PIGN: variants seen among roughly 807,000 people sequenced by gnomAD.
The protein encoded by PIGN is phosphatidylinositol glycan anchor biosynthesis class N.
Under a neutral mutation model 125.4 loss-of-function variants are expected in PIGN, and 117 were observed. That is an observed-to-expected ratio of 0.93 (90% CI 0.80 to 1.09). PIGN has a LOEUF of 1.09. Ranked by LOEUF, PIGN falls within the 50% of genes least tolerant of loss-of-function variation. The pLI is 0.00. For synonymous variants in PIGN, 392 were observed against 377.8 expected (o/e 1.04, Z -0.44); for missense variants, 1,075 against 1,094.9 (o/e 0.98, Z 0.26).
chr18:62,155,852 ACG>A (rs1294805306), intron 6 of PIGN, among the ~76,000 whole-genome samples: 9 of 152,222 alleles, frequency 5.9e-5, no homozygotes, highest in African/African-American at 2.2e-4. Context: ...TCCCAAAAAA[ACG>A]AAACTGCTTT....
intron 9 of PIGN, 132 bp from the exon 10 acceptor site, chr18:62,146,157 G>A: frequency 2.4e-6 from 1 of 410,176 alleles, no homozygotes; most frequent in Non-Finnish European, 4.4e-6. Flanking sequence ...TTACCAAATG[G>A]TTACAACCTT....
chr18:62,105,466 T>C (rs577742956), intron 20 of PIGN, 77 bp downstream of exon 20: 233 of 788,028 alleles, frequency 3.0e-4, no homozygotes, highest in Middle Eastern at 9.8e-4. Context: ...TGACCAAGAT[T>C]AGGTTCAAAT....
chr18:62,088,772 C>A lies in PIGN; in HGVS notation c.2354G>T (p.Arg785Leu). The change falls in exon 25 of 31, where the codon CGT (arginine) becomes CTT (leucine). Residue 785 changes from arginine to leucine, a missense_variant. Physicochemically the swap from Arg to Leu is moderately radical, Grantham distance 102. This residue lies in a region of PIGN where 915 missense variants were observed against 908.7 expected (regional missense o/e 1.01). Coordinates refer to ENST00000640252, the MANE Select transcript of PIGN (RefSeq NM_176787.5). Reference sequence around the variant, plus strand: ...AAAGGATACAAGGAAAAAGGCCCTACGGATGTCATCCAGATATAGCTGTCG... The same window carrying A: ...AAAGGATACAAGGAAAAAGGCCCTAAGGATGTCATCCAGATATAGCTGTCG... ...QFRQLYLDDIRRAFFLVFFLV... is the reference protein window; with the variant it reads ...QFRQLYLDDILRAFFLVFFLV... The A allele has an allele frequency of 6.4e-7, 1 of 1,557,358 alleles. No homozygotes were observed. The highest frequency in any genetic ancestry group is 8.7e-7 in the Non-Finnish European group (1 of 1,146,368).
chr18:62,120,267 A>C (rs1198568566), intron 14 of PIGN, among the ~76,000 whole-genome samples: 1 of 152,226 alleles, frequency 6.6e-6, no homozygotes, highest in Non-Finnish European at 1.5e-5. Flanking sequence ...ACAGTTGGTC[A>C]CTGAACAGGA....
chr18:62,146,928 C>G, intron 9 of PIGN, 43 bp downstream of exon 9: 1 of 1,582,300 alleles, frequency 6.3e-7, no homozygotes, highest in African/African-American at 1.3e-5. Context: ...ACATTTATCA[C>G]TACTTTAATT....
chr18:62,084,643 C>A, intron 26 of PIGN, 37 bp from the exon 27 acceptor site: 1 of 1,208,346 alleles, frequency 8.3e-7, no homozygotes, highest in South Asian at 1.3e-5. Context: ...ATTTAGAATT[C>A]ACTCTGTAAC....
intron 14 of PIGN, among the ~76,000 whole-genome samples, chr18:62,127,982 G>A (rs1385270014): frequency 6.6e-6 from 1 of 152,042 alleles, no homozygotes; most frequent in African/African-American, 2.4e-5. Flanking sequence ...AACTACACAT[G>A]GAAAACATAC....
At position 62,106,878 on chromosome 18, in the gene PIGN, G is replaced by A. The variant is rs2146436684; in HGVS notation, c.1678C>T (p.Leu560Phe). The change falls in exon 19 of 31, where the codon CTC becomes TTC. Residue 560 changes from leucine (L) to phenylalanine (F), a missense_variant. Physicochemically the swap from Leu to Phe is conservative, Grantham distance 22 (BLOSUM62 0). Coordinates refer to ENST00000640252, the MANE Select transcript of PIGN (RefSeq NM_176787.5). ...AFTLGIEVLV[L>F]SFFYRYMLTA... The stretch of plus-strand genomic sequence containing the variant: ...AGCATATAGCGGTAGAAAAAACTGA[G>A]AACCTAGTAATGCATTCCAAAGAAG... 2 of 1,605,204 alleles carry A rather than the reference G, an allele frequency of 1.2e-6. No homozygotes were observed. The highest frequency in any genetic ancestry group is 1.7e-6 in the Non-Finnish European group (2 of 1,175,318).
rs994982564 is a variant in PIGN, at chr18:62,041,217, T to C, written c.*4639A>G. 4.6e-5 allele frequency: 7 copies of C among 152,186 alleles called. No individual in the cohort carries two copies. Among genetic ancestry groups the C allele is most frequent in the Admixed American group, 3.9e-4 (6 of 15,278 alleles). 9.4% of individuals were successfully genotyped at this position (152,186 alleles called of 1,614,324 possible). A position where few individuals can be genotyped will look rare whatever the true frequency, so the allele number is the denominator to read the frequency against. ...GGTAAAAGATATAAAACATAAGGTA[T>C]GAAGGCTTAGTCTATACTCTAGCAG... On this transcript the variant is annotated 3_prime_UTR_variant, in exon 31 of 31. Transcript: ENST00000640252.
At chr18:62,120,423 T>C (rs1031258740) in intron 14 of PIGN, among the ~76,000 whole-genome samples, 9 of 152,082 alleles carry the variant, frequency 5.9e-5, no homozygotes, top group Non-Finnish European at 1.3e-4. Context: ...GCAAATACCC[T>C]TGAAAAGAAA....
At chr18:62,067,654 C>T (rs1381383499) in intron 30 of PIGN, among the ~76,000 whole-genome samples, 1 of 152,200 alleles carries the variant, frequency 6.6e-6, no homozygotes, top group Non-Finnish European at 1.5e-5. Context: ...TCATCACTTA[C>T]TCATTTCTTT....
intron 30 of PIGN, among the ~76,000 whole-genome samples, chr18:62,050,041 T>G (rs1032292299): frequency 5.9e-5 from 9 of 152,028 alleles, no homozygotes; most frequent in Non-Finnish European, 1.2e-4. Flanking sequence ...AGGGCTCTGT[T>G]CTGTTCCATT....
intron 1 of PIGN, among the ~76,000 whole-genome samples, chr18:62,167,017 C>T (rs184759030): frequency 2.4e-3 from 363 of 152,170 alleles, no homozygotes; most frequent in African/African-American, 7.9e-3. Flanking sequence ...TGTATACCTA[C>T]GTAACAAACC....
intron 1 of PIGN, among the ~76,000 whole-genome samples, chr18:62,180,922 T>C (rs1354919190): frequency 6.6e-6 from 1 of 152,216 alleles, no homozygotes; most frequent in Non-Finnish European, 1.5e-5. Context: ...CTGGTTCTTA[T>C]GTCACATATA....
intron 1 of PIGN, among the ~76,000 whole-genome samples, chr18:62,174,138 T>A (rs1327189076): frequency 6.6e-6 from 1 of 150,720 alleles, no homozygotes; most frequent in African/African-American, 2.4e-5. Flanking sequence ...CACTTGAATC[T>A]GGGAGGCGGA....
intron 19 of PIGN, among the ~76,000 whole-genome samples, chr18:62,106,570 C>T (rs756477955): frequency 6.6e-6 from 1 of 152,146 alleles, no homozygotes; most frequent in African/African-American, 2.4e-5. Flanking sequence ...ACTTATATAG[C>T]ATTTCAATTA....
chr18:62,180,119 C>T (rs965007045), intron 1 of PIGN, among the ~76,000 whole-genome samples: 2 of 152,046 alleles, frequency 1.3e-5, no homozygotes, highest in Non-Finnish European at 2.9e-5. Context: ...AGAGTAGTGA[C>T]CCATAACAAA....
At chr18:62,097,832 T>C (rs1240943057) in intron 22 of PIGN, among the ~76,000 whole-genome samples, 1 of 151,846 alleles carries the variant, frequency 6.6e-6, no homozygotes. Context: ...CCCGGGATAA[T>C]AAAAGCAACT....
chr18:62,050,267 T>C (rs983208522), intron 30 of PIGN, among the ~76,000 whole-genome samples: 7 of 152,198 alleles, frequency 4.6e-5, no homozygotes, highest in Non-Finnish European at 7.3e-5. Context: ...GGGGATGGCA[T>C]TGAATCTATA....
Sources: allele counts gnomAD v4.1 joint callset (sites outside exome capture counted in the v4.1 genomes callset), GRCh38; gene constraint gnomAD v4.1.1; regional missense constraint gnomAD v4.1.1; transcripts MANE v1.5; gene names NCBI Gene and HGNC (gene_info 2026-07-23, HGNC 2026-07-21).